Variants in PGR observed in about 807,000 individuals in gnomAD.
PGR encodes the protein progesterone receptor.
PGR carries 25 observed loss-of-function variants against 76.1 expected under a neutral mutation model. The ratio of observed to expected loss-of-function variants is 0.33; its 90% CI spans 0.24 to 0.46. The LOEUF (loss-of-function observed/expected upper bound fraction) is 0.46. Among genes scored for constraint, PGR ranks in the 20% least tolerant of loss-of-function variants. The pLI, the probability that PGR is intolerant of heterozygous loss-of-function variation, is 1.00. For missense variants in PGR, 1,172 were observed against 1,225.3 expected (o/e 0.96, Z 0.65); for synonymous variants, 579 against 535.0 (o/e 1.08, Z -1.14).
At chr11:101,070,890 C>G (rs955189006) in intron 3 of PGR, among the ~76,000 whole-genome samples, 7 of 152,132 alleles carry the variant, frequency 4.6e-5, no homozygotes, top group African/African-American at 1.7e-4. Context: ...TGGCTGTGGG[C>G]GCAGCTTCAG....
At position 101,029,748 on chromosome 11, in the gene PGR, A is replaced by C. The variant is rs1859292623; in HGVS notation, c.*9368T>G. 1 of 217,240 alleles carries C rather than the reference A, an allele frequency of 4.6e-6. No individual in the cohort carries two copies. Among genetic ancestry groups the C allele is most frequent in the Non-Finnish European group, 9.3e-6 (1 of 107,994 alleles). The allele number at this position is 217,240 out of a possible 1,614,324, so 13.5% of individuals were successfully genotyped here. On this transcript the variant is annotated 3_prime_UTR_variant, in exon 8 of 8. Coordinates refer to ENST00000325455, the MANE Select transcript of PGR (RefSeq NM_000926.4). The stretch of plus-strand genomic sequence containing the variant: ...CAAACCACCAGCCAATTTAACATAA[A>C]ACACTTGTCAAGCTGAGTAGACTGT...
Position 101,039,113 on chromosome 11 carries a change from C to G in PGR, c.*3G>C. 1.2e-6 allele frequency: 2 copies of G among 1,607,500 alleles called. No individual in the cohort carries two copies. On this transcript the variant is annotated 3_prime_UTR_variant, in exon 8 of 8. Transcript: ENST00000325455. ...TTAATTCTTTAAAAGAAAAAGATGA[C>G]ATTCACTTTTTATGAAAGAGAAGGG...
chr11:101,087,397 G>A (rs1861532480), intron 3 of PGR, among the ~76,000 whole-genome samples: 1 of 152,092 alleles, frequency 6.6e-6, no homozygotes, highest in African/African-American at 2.4e-5. Flanking sequence ...TAATGAAATT[G>A]GACCCCTACA....
chr11:101,038,715 C>A lies in PGR; in HGVS notation c.*401G>T, dbSNP rs923145698. The A allele has an allele frequency of 8.6e-6, 2 of 233,462 alleles. No homozygotes were observed. Among genetic ancestry groups the A allele is most frequent in the Admixed American group, 5.6e-5 (1 of 18,008 alleles). The allele number at this position is 233,462 out of a possible 1,614,324, so 14.5% of individuals were successfully genotyped here. ...TTCATTTTTGGAAATATAATTGACA[C>A]AAAGGGAGTTACCTAGAAATAACAT... On this transcript the variant is annotated 3_prime_UTR_variant, in exon 8 of 8. Coordinates refer to ENST00000325455, the MANE Select transcript of PGR (RefSeq NM_000926.4).
intron 3 of PGR, among the ~76,000 whole-genome samples, chr11:101,079,676 T>C: frequency 6.6e-6 from 1 of 152,194 alleles, no homozygotes; most frequent in Non-Finnish European, 1.5e-5. Flanking sequence ...TCTAAATTAG[T>C]ACTGTAACTA....
intron 7 of PGR, among the ~76,000 whole-genome samples, chr11:101,040,205 A>G (rs1256627975): frequency 1.3e-5 from 2 of 152,062 alleles, no homozygotes; most frequent in Non-Finnish European, 2.9e-5. Flanking sequence ...ATTCTGCAAC[A>G]GAATTGTAAA....
In PGR at chr11:101,059,857, A is replaced by AG. The variant is rs1555050859; in HGVS notation, c.2212+2589_2212+2590insC. Among the ~76,000 whole-genome samples the AG allele has an allele frequency of 1.1e-3, 153 of 138,804 alleles. 6 individuals carry two copies. The highest frequency in any genetic ancestry group is 1.3e-3 in the Non-Finnish European group (80 of 63,274). The allele number at this position is 138,804 out of a possible 152,430, so 91.1% of individuals were successfully genotyped here. ...GACCCTCTCTCAAAAAAAAAAAAAA[A>AG]AAAAGAAAAAAAAGAAAAGAAACAA... On this transcript the variant is annotated intron_variant, in intron 4 of 7. Transcript: ENST00000325455.
intron 3 of PGR, among the ~76,000 whole-genome samples, chr11:101,076,948 G>A (rs1410717112): frequency 7.7e-5 from 4 of 52,256 alleles, no homozygotes; most frequent in African/African-American, 1.3e-4. Flanking sequence ...TTTTTTTTGC[G>A]ACAGAGTTTG....
chr11:101,093,683 T>A (rs1196459946), intron 2 of PGR, among the ~76,000 whole-genome samples: 1 of 152,126 alleles, frequency 6.6e-6, no homozygotes, highest in African/African-American at 2.4e-5. Context: ...GGTCTCGAAC[T>A]CCCAACCTCA....
rs752833544 is a variant in PGR at position 101,128,059 on chromosome 11, C to T, written c.1012G>A (p.Ala338Thr). The stretch of plus-strand genomic sequence containing the variant: ...GGTGAACTCCGCGGCGGGGCAAAGG[C>T]GCTGGCAGCCCCGGCCCCGCCGTCG... ...SYDGGAGAAS[A>T]FAPPRSSPCA... Residue 338 changes from alanine to threonine, a missense_variant, in exon 1 of 8, where the codon GCC (alanine) becomes ACC (threonine). Ala to Thr is a moderately conservative substitution (Grantham distance 58). Coordinates refer to ENST00000325455, the MANE Select transcript of PGR (RefSeq NM_000926.4). 1.9e-6 allele frequency: 3 copies of T among 1,602,622 alleles called. No homozygotes were observed. Among genetic ancestry groups the T allele is most frequent in the East Asian group, 4.5e-5 (2 of 44,784 alleles).
In PGR at chr11:101,036,919, C is replaced by T. The variant is rs1261802336; in HGVS notation, c.*2197G>A. On this transcript the variant is annotated 3_prime_UTR_variant, in exon 8 of 8. Transcript: ENST00000325455. ...TAAAATGATCACAACATCAACTGTT[C>T]CCTGAGTCCATCACTTAAGCATAAA... is the stretch of plus-strand genomic sequence containing the variant. 5.0e-6 allele frequency: 1 copy of T among 200,842 alleles called. No homozygotes were observed. Among genetic ancestry groups the T allele is most frequent in the Non-Finnish European group, 1.0e-5 (1 of 97,480 alleles). The allele number at this position is 200,842 out of a possible 1,614,324, so 12.4% of individuals were successfully genotyped here.
intron 4 of PGR, among the ~76,000 whole-genome samples, chr11:101,060,609 C>T (rs1472276712): frequency 1.3e-5 from 2 of 152,182 alleles, no homozygotes; most frequent in Non-Finnish European, 2.9e-5. Flanking sequence ...CAAATAGTCA[C>T]TCTAGCTCAC....
At chr11:101,080,910 A>T (rs1861284031) in intron 3 of PGR, among the ~76,000 whole-genome samples, 1 of 152,124 alleles carries the variant, frequency 6.6e-6, no homozygotes, top group Non-Finnish European at 1.5e-5. Context: ...TTGTGAACTA[A>T]CCCAATCTGA....
intron 2 of PGR, among the ~76,000 whole-genome samples, chr11:101,105,614 G>T (rs1862132298): frequency 6.6e-6 from 1 of 151,712 alleles, no homozygotes; most frequent in Non-Finnish European, 1.5e-5. Flanking sequence ...CATGCTCATG[G>T]GTAGGAAGAA....
Position 101,034,569 on chromosome 11 carries a change from C to T in PGR, c.*4547G>A, listed in dbSNP as rs368300047. On this transcript the variant is annotated 3_prime_UTR_variant, in exon 8 of 8. Transcript: ENST00000325455. ...GGACAAATTATTGAAGAAAACTGTT[C>T]TTTCCTGCTTCTTTTCAGCTTTTAA... 237 of 174,256 alleles carry T rather than the reference C, an allele frequency of 1.4e-3. No homozygotes were observed. Among genetic ancestry groups the T allele is most frequent in the African/African-American group, 5.4e-3 (227 of 42,288 alleles). The allele number at this position is 174,256 out of a possible 1,614,324, so 10.8% of individuals were successfully genotyped here. A position where few individuals can be genotyped will look rare whatever the true frequency, so the allele number is the denominator to read the frequency against.
chr11:101,111,326 G>C (rs1862335332), intron 2 of PGR, among the ~76,000 whole-genome samples: 1 of 152,132 alleles, frequency 6.6e-6, no homozygotes, highest in Admixed American at 6.5e-5. Flanking sequence ...CAGGTTCACT[G>C]CTTTAGGGAA....
At chr11:101,103,425 C>A (rs888813484) in intron 2 of PGR, among the ~76,000 whole-genome samples, 1 of 152,064 alleles carries the variant, frequency 6.6e-6, no homozygotes, top group African/African-American at 2.4e-5. Flanking sequence ...TGGTGAGCAG[C>A]AGGGCAGAGA....
chr11:101,039,559 G>GT (rs11571267), intron 7 of PGR, among the ~76,000 whole-genome samples: 5 of 151,086 alleles, frequency 3.3e-5, no homozygotes, highest in South Asian at 2.1e-4. Context: ...TATTACTCAA[G>GT]TTTTTTTTTC....
At chr11:101,111,266 A>G (rs991091291) in intron 2 of PGR, among the ~76,000 whole-genome samples, 11 of 152,144 alleles carry the variant, frequency 7.2e-5, no homozygotes, top group Non-Finnish European at 1.6e-4. Context: ...TTCTTCCTAG[A>G]GAAAGGAGCA....
Sources: allele counts gnomAD v4.1 joint callset (sites outside exome capture counted in the v4.1 genomes callset), GRCh38; gene constraint gnomAD v4.1.1; transcripts MANE v1.5; gene names NCBI Gene and HGNC (gene_info 2026-07-23, HGNC 2026-07-21).